ARNT2: variants seen among roughly 807,000 people sequenced by gnomAD.
ARNT2 encodes the protein ARNT protein 2.
Under a neutral mutation model 91.7 loss-of-function variants are expected in ARNT2, and 36 were observed. The observed-to-expected ratio is 0.39, with a 90% confidence interval of 0.30 to 0.52. The LOEUF (loss-of-function observed/expected upper bound fraction) is 0.52, where lower values mean the gene tolerates loss of function less well. Among genes scored for constraint, ARNT2 ranks in the 20% least tolerant of loss-of-function variants. The pLI is 0.72. For synonymous variants in ARNT2, 365 were observed against 347.1 expected (o/e 1.05, Z -0.57); for missense variants, 775 against 939.3 (o/e 0.83, Z 2.29).
At chr15:80,469,623 C>T (rs921565998) in intron 3 of ARNT2, among the ~76,000 whole-genome samples, 3 of 151,438 alleles carry the variant, frequency 2.0e-5, no homozygotes, top group African/African-American at 4.9e-5. Context: ...TGTGTGTGCA[C>T]GTGTGTATAT....
chr15:80,435,051 G>T (rs1009038305), intron 1 of ARNT2, among the ~76,000 whole-genome samples: 1 of 152,066 alleles, frequency 6.6e-6, no homozygotes, highest in Non-Finnish European at 1.5e-5. Flanking sequence ...CCTCCTACCG[G>T]TTGTCGCCTG....
At chr15:80,430,796 A>G (rs1455588108) in intron 1 of ARNT2, among the ~76,000 whole-genome samples, 2 of 152,052 alleles carry the variant, frequency 1.3e-5, no homozygotes, top group Non-Finnish European at 2.9e-5. Context: ...CCCACAATAC[A>G]CAGAACCCTG....
intron 17 of ARNT2, among the ~76,000 whole-genome samples, chr15:80,587,883 C>T (rs1051556905): frequency 1.3e-5 from 2 of 152,192 alleles, no homozygotes; most frequent in East Asian, 1.9e-4. Context: ...GAATTAGACA[C>T]GAAGTGGGAG....
chr15:80,574,361 G>C, intron 13 of ARNT2, 141 bp downstream of exon 13: 1 of 761,266 alleles, frequency 1.3e-6, no homozygotes, highest in Non-Finnish European at 2.2e-6. Context: ...CAGACCTACA[G>C]GTCCCCTGGG....
At chr15:80,508,093 C>T (rs1897298193) in intron 5 of ARNT2, 63 bp from the exon 6 acceptor site, 3 of 1,523,036 alleles carry the variant, frequency 2.0e-6, no homozygotes, top group Non-Finnish European at 2.7e-6. Flanking sequence ...ACTCCCCGAA[C>T]TCCCTCCTCC....
intron 8 of ARNT2, among the ~76,000 whole-genome samples, chr15:80,550,662 G>A (rs2141455581): frequency 6.6e-6 from 1 of 152,322 alleles, no homozygotes; most frequent in South Asian, 2.1e-4. Flanking sequence ...AGTTTTCAGT[G>A]CTTAGCATAA....
intron 17 of ARNT2, among the ~76,000 whole-genome samples, chr15:80,589,650 C>T (rs989411953): frequency 6.6e-6 from 1 of 152,196 alleles, no homozygotes; most frequent in African/African-American, 2.4e-5. Context: ...CAGAATGGGA[C>T]AGGTGCCTGT....
chr15:80,511,355 A>T (rs575726766), intron 6 of ARNT2, among the ~76,000 whole-genome samples: 2 of 152,270 alleles, frequency 1.3e-5, no homozygotes, highest in African/African-American at 4.8e-5. Flanking sequence ...GAGCAGAACA[A>T]CACACGCTGG....
At position 80,416,656 on chromosome 15, in the gene ARNT2, T is replaced by G. The variant is rs1895790068; in HGVS notation, c.31+12110T>G. Among the ~76,000 whole-genome samples the G allele has an allele frequency of 1.3e-5, 2 of 152,200 alleles. 1 individual carries two copies. Among genetic ancestry groups the G allele is most frequent in the South Asian group, 4.1e-4 (2 of 4,830 alleles). ...TTTGTTTGTTTGTTTTTTTCTTTCA[T>G]TACCTTAACATTTTTGCCAAGTATA... On this transcript the variant is annotated intron_variant, in intron 1 of 18. Coordinates refer to ENST00000303329, the MANE Select transcript of ARNT2 (RefSeq NM_014862.4).
intron 1 of ARNT2, among the ~76,000 whole-genome samples, chr15:80,448,075 T>A (rs1003568558): frequency 2.0e-5 from 3 of 152,172 alleles, no homozygotes; most frequent in African/African-American, 4.8e-5. Context: ...CTTGAGTGTT[T>A]TTTTTTCCCA....
chr15:80,494,137 A>G (rs1426614912), intron 5 of ARNT2, among the ~76,000 whole-genome samples: 1 of 152,196 alleles, frequency 6.6e-6, no homozygotes, highest in Non-Finnish European at 1.5e-5. Context: ...TTATAGCAAC[A>G]CAAAATGAAC....
chr15:80,562,891 C>CCCCA (rs1327554587), intron 11 of ARNT2, 197 bp from the exon 12 acceptor site: 2 of 672,806 alleles, frequency 3.0e-6, no homozygotes, highest in Non-Finnish European at 5.3e-6. Flanking sequence ...AGATGCAGCA[C>CCCCA]CCCATTTCAC....
intron 5 of ARNT2, among the ~76,000 whole-genome samples, chr15:80,489,612 G>A (rs1156513878): frequency 1.3e-5 from 2 of 152,318 alleles, no homozygotes; most frequent in East Asian, 3.9e-4. Flanking sequence ...TCCATAATAG[G>A]CCTGTGAAGT....
chr15:80,580,299 A>G, intron 15 of ARNT2, 112 bp from the exon 16 acceptor site: 2 of 1,349,340 alleles, frequency 1.5e-6, no homozygotes, highest in Non-Finnish European at 2.1e-6. Context: ...GACGTGCTGC[A>G]TGGAGAGAGA....
intron 8 of ARNT2, among the ~76,000 whole-genome samples, chr15:80,526,723 A>G (rs892481864): frequency 6.6e-5 from 10 of 152,240 alleles, no homozygotes; most frequent in Non-Finnish European, 1.2e-4. Flanking sequence ...AGCCTTGGCC[A>G]CAGCATGCCA....
chr15:80,441,419 T>C, intron 1 of ARNT2: 1 of 980,660 alleles, frequency 1.0e-6, no homozygotes, highest in African/African-American at 1.7e-5. Flanking sequence ...TGAAGAGAAT[T>C]GTTCTAAGAG....
chr15:80,587,381 T>C (rs955357986), intron 17 of ARNT2, among the ~76,000 whole-genome samples: 4 of 151,496 alleles, frequency 2.6e-5, no homozygotes, highest in Non-Finnish European at 2.9e-5. Context: ...TTTCCAGACA[T>C]TGTCAAATGT....
At chr15:80,560,856 G>A (rs1363413590) in intron 11 of ARNT2, among the ~76,000 whole-genome samples, 1 of 152,186 alleles carries the variant, frequency 6.6e-6, no homozygotes, top group Non-Finnish European at 1.5e-5. Flanking sequence ...TGTGGTGTCA[G>A]GGACAGCCTC....
chr15:80,581,492 C>T lies in ARNT2; in HGVS notation c.1918+88C>T, dbSNP rs571497894. The T allele has an allele frequency of 2.4e-5, 37 of 1,536,794 alleles. No homozygotes were observed. In the African/African-American group the frequency reaches 4.4e-4, roughly 18 times the overall value. On this transcript the variant is annotated intron_variant, in intron 17 of 18. Coordinates refer to ENST00000303329, the MANE Select transcript of ARNT2 (RefSeq NM_014862.4). ...TGAATTCAGGAGGCTGAGCTCCAAG[C>T]TCCCAGCTACCAAAACAAGGTCTGG...
Sources: allele counts gnomAD v4.1 joint callset (sites outside exome capture counted in the v4.1 genomes callset), GRCh38; gene constraint gnomAD v4.1.1; transcripts MANE v1.5; gene names NCBI Gene and HGNC (gene_info 2026-07-23, HGNC 2026-07-21).